ADTRP: variants seen among roughly 807,000 people sequenced by gnomAD.
The protein encoded by ADTRP is androgen-dependent TFPI-regulating protein.
A neutral mutation model predicts 27.0 loss-of-function variants in ADTRP; 20 were observed. That is an observed-to-expected ratio of 0.74 (90% CI 0.52 to 1.08). The LOEUF (loss-of-function observed/expected upper bound fraction) is 1.08. ADTRP is among the 50% of genes least tolerant of loss of function. The probability of loss-of-function intolerance (pLI) is 0.00; values close to 1 mark genes in which losing one functional copy is unlikely to be tolerated. For synonymous variants in ADTRP, 101 were observed against 105.2 expected, an observed-to-expected ratio of 0.96 and a Z score of 0.25; for missense variants, 251 against 275.0, an observed-to-expected ratio of 0.91 and a Z score of 0.62.
chr6:11,717,433 AATT>A, intron 5 of ADTRP: 1 of 1,303,614 alleles, frequency 7.7e-7, no homozygotes, highest in Non-Finnish European at 1.0e-6. Context: ...ATGGCCAAGA[AATT>A]ATTGTTTCAA....
intron 3 of ADTRP, among the ~76,000 whole-genome samples, chr6:11,759,775 G>A (rs1179745681): frequency 6.6e-6 from 1 of 152,200 alleles, no homozygotes; most frequent in Non-Finnish European, 1.5e-5. Flanking sequence ...GATTTTAAGA[G>A]TAAGAGGCTA....
rs55961408 is a variant in ADTRP at position 11,715,806 on chromosome 6, C to CTTTTTTTTTTTTTTTTTTT, written c.659-1313_659-1295dup. ...TAGAGGTGCACACCACCATGCCCAGCTTTTTTTTTTTTTTTTTTTTTTTTT... is the reference window on the plus strand; with the variant it reads ...TAGAGGTGCACACCACCATGCCCAGCTTTTTTTTTTTTTTTTTTTTTTTTTTTTTTTTTTTTTTTTTTTT... On this transcript the variant is annotated intron_variant, in intron 5 of 5. Transcript: ENST00000414691. Among the ~76,000 whole-genome samples, 13 of 77,728 alleles carry CTTTTTTTTTTTTTTTTTTT rather than the reference C, an allele frequency of 1.7e-4. 2 individuals carry two copies. Among genetic ancestry groups the CTTTTTTTTTTTTTTTTTTT allele is most frequent in the Non-Finnish European group, 2.4e-4 (11 of 45,552 alleles). 51.0% of individuals were successfully genotyped at this position (77,728 alleles called of 152,430 possible). A position where few individuals can be genotyped will look rare whatever the true frequency, so the allele number is the denominator to read the frequency against.
chr6:11,766,410 G>T (rs371998807), intron 2 of ADTRP, 35 bp from the exon 3 acceptor site: 1 of 1,507,402 alleles, frequency 6.6e-7, no homozygotes, highest in Non-Finnish European at 9.2e-7. Context: ...GCATCATTAG[G>T]CTTGTTTTTA....
intron 3 of ADTRP, among the ~76,000 whole-genome samples, chr6:11,761,118 CT>C (rs2113315485): frequency 6.6e-6 from 1 of 152,310 alleles, no homozygotes; most frequent in Admixed American, 6.5e-5. Flanking sequence ...CTGCCTGAGC[CT>C]TTCTTCTGCC....
chr6:11,748,800 C>T (rs1158707668), intron 3 of ADTRP, among the ~76,000 whole-genome samples: 1 of 152,164 alleles, frequency 6.6e-6, no homozygotes, highest in Non-Finnish European at 1.5e-5. Context: ...GGAGAATGAA[C>T]TTCAAGAGCT....
At chr6:11,774,472 C>A (rs1763887943) in intron 1 of ADTRP, among the ~76,000 whole-genome samples, 1 of 152,170 alleles carries the variant, frequency 6.6e-6, no homozygotes, top group African/African-American at 2.4e-5. Context: ...CCCAGCTCCT[C>A]TGTTCCCCCA....
intron 3 of ADTRP, among the ~76,000 whole-genome samples, chr6:11,743,395 CCTCTAATT>C (rs1762776452): frequency 6.6e-6 from 1 of 152,140 alleles, no homozygotes; most frequent in Admixed American, 6.5e-5. Flanking sequence ...CTGTGCCCAC[CCTCTAATT>C]ACTCTGCTCT....
At chr6:11,723,773 A>G (rs893686594) in intron 4 of ADTRP, among the ~76,000 whole-genome samples, 16 of 152,102 alleles carry the variant, frequency 1.1e-4, no homozygotes, top group Admixed American at 9.8e-4. Flanking sequence ...ATAAGAGAAC[A>G]TAGGGCCAGG....
intron 5 of ADTRP, among the ~76,000 whole-genome samples, chr6:11,719,947 G>A (rs1475815407): frequency 6.6e-6 from 1 of 152,130 alleles, no homozygotes; most frequent in African/African-American, 2.4e-5. Flanking sequence ...GTCATCTGAG[G>A]TTCTCCGTGA....
At chr6:11,738,098 C>T (rs1466331867) in intron 3 of ADTRP, among the ~76,000 whole-genome samples, 1 of 152,176 alleles carries the variant, frequency 6.6e-6, no homozygotes, top group Non-Finnish European at 1.5e-5. Flanking sequence ...TATGCTTAGT[C>T]TTTGGCCCTG....
intron 5 of ADTRP, among the ~76,000 whole-genome samples, chr6:11,716,719 C>CTTTTTCTTT (rs200468981): frequency 0.44 from 55,229 of 124,834 alleles, 14,115 homozygotes; most frequent in Non-Finnish European, 0.57. Flanking sequence ...TTTTCTTTTT[C>CTTTTTCTTT]TTTTTTTTTT....
intron 3 of ADTRP, 70 bp downstream of exon 3, chr6:11,766,204 A>G (rs1398830433): frequency 1.8e-5 from 20 of 1,134,874 alleles, no homozygotes; most frequent in South Asian, 8.8e-5. Context: ...AAACATAGAT[A>G]AGGCACTGTG....
At chr6:11,768,098 G>A in intron 2 of ADTRP, 151 bp downstream of exon 2, 1 of 895,566 alleles carries the variant, frequency 1.1e-6, no homozygotes, top group Non-Finnish European at 1.7e-6. Flanking sequence ...AAGACACTGG[G>A]CAATGTGGCG....
intron 5 of ADTRP, chr6:11,717,555 T>A: frequency 9.9e-7 from 1 of 1,013,308 alleles, no homozygotes; most frequent in Non-Finnish European, 1.3e-6. Flanking sequence ...CCTATGTATC[T>A]ACAACCACAA....
chr6:11,754,905 G>T, intron 3 of ADTRP: 1 of 449,194 alleles, frequency 2.2e-6, no homozygotes, highest in Non-Finnish European at 2.9e-6. Context: ...CCGCCCAGCA[G>T]GCTGCTCTCG....
Position 11,714,410 on chromosome 6 carries a change from A to AC in ADTRP, c.*67_*68insG, listed in dbSNP as rs1390315749. On this transcript the variant is annotated 3_prime_UTR_variant, in exon 6 of 6. Transcript: ENST00000414691. The stretch of plus-strand genomic sequence containing the variant: ...CTCCACCACCTCCCTCCACCAGAAA[A>AC]AAAAAAAAAAGATGAGAAAAATCTC... 2 of 1,580,022 alleles carry AC rather than the reference A, an allele frequency of 1.3e-6. No individual in the cohort carries two copies. The highest frequency in any genetic ancestry group is 2.8e-5 in the African/African-American group (2 of 72,152).
intron 5 of ADTRP, among the ~76,000 whole-genome samples, chr6:11,721,858 G>A (rs906027067): frequency 6.6e-6 from 1 of 152,076 alleles, no homozygotes; most frequent in Non-Finnish European, 1.5e-5. Flanking sequence ...TGATAATTTT[G>A]TTTTTTAATT....
chr6:11,766,280 A>T lies in ADTRP; in HGVS notation c.384T>A (p.His128Gln), dbSNP rs1337636859. 7 of 1,609,838 alleles carry T rather than the reference A, an allele frequency of 4.3e-6. No individual in the cohort carries two copies. Among genetic ancestry groups the T allele is most frequent in the African/African-American group, 2.7e-5 (2 of 74,848 alleles). The part of the protein sequence containing the change: ...LDTVIPVWLN[H>Q]AMHTFIFPIT... ...GAATTTTCCCCTCACTCACCATTGCATGATTCAGCCACACGGGGATGACAG... is the reference window on the plus strand; with the variant it reads ...GAATTTTCCCCTCACTCACCATTGCTTGATTCAGCCACACGGGGATGACAG... Residue 128 changes from histidine to glutamine, a missense_variant, in exon 3 of 6, where the codon CAT (histidine) becomes CAA (glutamine). Physicochemically the swap from His to Gln is conservative, Grantham distance 24. Coordinates refer to ENST00000414691, the MANE Select transcript of ADTRP (RefSeq NM_032744.4).
chr6:11,761,248 T>C (rs1274521101), intron 3 of ADTRP, among the ~76,000 whole-genome samples: 1 of 152,200 alleles, frequency 6.6e-6, no homozygotes, highest in South Asian at 2.1e-4. Context: ...CTGCCTTTTT[T>C]ACACAAACAC....
Sources: gnomAD v4.1 joint callset for allele counts (sites outside exome capture counted in the v4.1 genomes callset) on GRCh38, gnomAD v4.1.1 for gene constraint, MANE v1.5 for transcripts, NCBI Gene and HGNC (gene_info 2026-07-23, HGNC 2026-07-21) for gene names.